The following PARP4 variants were observed in gnomAD, a reference collection of about 807,000 sequenced individuals.
PARP4 encodes the protein protein mono-ADP-ribosyltransferase PARP4.
A neutral mutation model predicts 187.7 loss-of-function variants in PARP4; 120 were observed. The observed-to-expected ratio is 0.64, with a 90% confidence interval of 0.55 to 0.74. The LOEUF is 0.74. PARP4 is among the 30% of genes least tolerant of loss of function. The pLI is 0.00. For synonymous variants in PARP4, 654 were observed against 740.9 expected, an observed-to-expected ratio of 0.88 and a Z score of 1.90; for missense variants, 1,836 against 2,070.5, an observed-to-expected ratio of 0.89 and a Z score of 2.20.
rs771684611 is a variant in PARP4, at chr13:24,446,747, T to C, written c.3300A>G (p.Ala1100=). The change falls in exon 27 of 34, where the codon GCA becomes GCG. Residue 1100 remains alanine (A), a synonymous_variant. Transcript: ENST00000381989. ...TACGAAATTCTTTCTCTTGAATTAG[T>C]GCACACAGAGTTGCCTGAAATGGGG... ...IPHCTQATLC[A]LIQEKEFRTM... 1 of 1,594,296 alleles carries C rather than the reference T, an allele frequency of 6.3e-7. No homozygotes were observed. Among genetic ancestry groups the C allele is most frequent in the South Asian group, 1.1e-5 (1 of 90,644 alleles).
In PARP4 at chr13:24,452,456, C is replaced by G. The variant is rs757592916; in HGVS notation, c.2964G>C (p.Gln988His). ...GHLQDESLTL[Q>H]LVKRSRPHTR... ...TGTGCGGGCGGCTCCTCTTCACGAG[C>G]TGTAATGTCAGGCTCTCATCCTGGA... The change falls in exon 24 of 34, where the codon CAG becomes CAC. Residue 988 changes from glutamine (Q) to histidine (H), a missense_variant. Around this residue, in one of 8 missense-constraint regions of PARP4, gnomAD observed 1,147 missense variants for 1,214.2 expected, o/e 0.94. Coordinates refer to ENST00000381989, the MANE Select transcript of PARP4 (RefSeq NM_006437.4). The G allele has an allele frequency of 4.9e-5, 79 of 1,613,964 alleles. No homozygotes were observed. The highest frequency in any genetic ancestry group is 1.6e-4 in the Middle Eastern group (1 of 6,064).
chr13:24,462,714 T>C (rs1242884899), intron 17 of PARP4, among the ~76,000 whole-genome samples: 1 of 152,202 alleles, frequency 6.6e-6, no homozygotes, highest in African/African-American at 2.4e-5. Flanking sequence ...CTGAATTATA[T>C]TTTAAGTGTC....
At chr13:24,489,541 A>G (rs111730129) in intron 10 of PARP4, among the ~76,000 whole-genome samples, 16,576 of 152,236 alleles carry the variant, frequency 0.11, 982 homozygotes, top group African/African-American at 0.12. Context: ...CCTGGGAGGC[A>G]GAGCTTGCAG....
rs73458979 is a variant in PARP4, at chr13:24,442,569, C to T, written c.3543+21G>A. On this transcript the variant is annotated intron_variant, in intron 29 of 33. Coordinates refer to ENST00000381989, the MANE Select transcript of PARP4 (RefSeq NM_006437.4). ...AAATACAAATAAAATAATTTAACCT[C>T]GAATTACCAATAATACATACCCTTT... The T allele has an allele frequency of 4.0e-3, 4,516 of 1,119,158 alleles. 59 individuals are homozygous for T. In the African/African-American group the frequency reaches 0.059, roughly 15 times the overall value. 69.3% of individuals were successfully genotyped at this position (1,119,158 alleles called of 1,614,324 possible).
At position 24,453,743 on chromosome 13, in the gene PARP4, G is replaced by T. The variant is rs1030539672; in HGVS notation, c.2759-89C>A. 5.2e-6 allele frequency: 4 copies of T among 768,788 alleles called. No homozygotes were observed. In the Admixed American group the frequency reaches 5.8e-5, roughly 11 times the overall value. 47.6% of individuals were successfully genotyped at this position (768,788 alleles called of 1,614,324 possible). ...CAATAATGTTATTTCATACCATCACGGCTGTTGTAAAGGATATTATATATT... is the reference window on the plus strand; with the variant it reads ...CAATAATGTTATTTCATACCATCACTGCTGTTGTAAAGGATATTATATATT... On this transcript the variant is annotated intron_variant, in intron 22 of 33. Coordinates refer to ENST00000381989, the MANE Select transcript of PARP4 (RefSeq NM_006437.4).
intron 1 of PARP4, among the ~76,000 whole-genome samples, chr13:24,504,752 A>G (rs1869517905): frequency 6.6e-6 from 1 of 151,272 alleles, no homozygotes; most frequent in Non-Finnish European, 1.5e-5. Flanking sequence ...GGAGTGCACT[A>G]TTGCAATTTT....
intron 20 of PARP4, among the ~76,000 whole-genome samples, chr13:24,457,790 A>G (rs1462068462): frequency 6.5e-5 from 9 of 138,958 alleles, no homozygotes; most frequent in East Asian, 2.0e-4. Context: ...AAAAAAAAAA[A>G]AAAAAAGAAA....
chr13:24,491,634 A>C (rs1868657584), intron 9 of PARP4, among the ~76,000 whole-genome samples: 2 of 152,214 alleles, frequency 1.3e-5, no homozygotes, highest in African/African-American at 4.8e-5. Context: ...AAATCCCTGC[A>C]TGCACAGATG....
At chr13:24,497,436 G>C (rs1869017995) in intron 6 of PARP4, among the ~76,000 whole-genome samples, 1 of 152,148 alleles carries the variant, frequency 6.6e-6, no homozygotes, top group South Asian at 2.1e-4. Flanking sequence ...TATATCAGTG[G>C]AATGCTTTCA....
intron 33 of PARP4, among the ~76,000 whole-genome samples, chr13:24,423,670 A>G (rs1406518866): frequency 1.3e-5 from 2 of 152,136 alleles, no homozygotes; most frequent in Non-Finnish European, 2.9e-5. Context: ...AATTACATAT[A>G]GTAAATTATG....
At chr13:24,468,203 A>G (rs1444205786) in intron 17 of PARP4, among the ~76,000 whole-genome samples, 2 of 152,116 alleles carry the variant, frequency 1.3e-5, no homozygotes, top group Non-Finnish European at 2.9e-5. Context: ...AACACCTGGT[A>G]TTTAAGGAAA....
chr13:24,459,092 C>A lies in PARP4; in HGVS notation c.2376G>T (p.Pro792=). The A allele has an allele frequency of 6.2e-7, 1 of 1,610,192 alleles. No individual in the cohort carries two copies. Among genetic ancestry groups the A allele is most frequent in the South Asian group, 1.1e-5 (1 of 90,786 alleles). The change falls in exon 20 of 34, where the codon CCG becomes CCT. Residue 792 remains proline, a synonymous_variant. Transcript: ENST00000381989. The part of the protein sequence containing the change: ...SFSLTMSIEM[P]YVIEFIFSDT... ...CACTGAAAATGAATTCAATCACATA[C>A]GGCATCTCAATAGACATAGTCAAAG...
At chr13:24,424,616 T>C (rs1869920677) in intron 33 of PARP4, among the ~76,000 whole-genome samples, 1 of 152,112 alleles carries the variant, frequency 6.6e-6, no homozygotes, top group East Asian at 1.9e-4. Context: ...GATTTCTTTG[T>C]AATATTTTTT....
chr13:24,443,955 G>A (rs1871082191), intron 27 of PARP4, among the ~76,000 whole-genome samples: 1 of 152,194 alleles, frequency 6.6e-6, no homozygotes, highest in African/African-American at 2.4e-5. Flanking sequence ...GTGTGCCCGT[G>A]TAGCTTCCTC....
chr13:24,456,572 G>GTA (rs1439949003), intron 20 of PARP4, 94 bp from the exon 21 acceptor site: 5 of 1,118,012 alleles, frequency 4.5e-6, no homozygotes, highest in Non-Finnish European at 6.2e-6. Context: ...CCCTTGCATA[G>GTA]CTTACATAAC....
intron 17 of PARP4, among the ~76,000 whole-genome samples, chr13:24,460,799 T>C (rs1438596359): frequency 6.6e-6 from 1 of 152,268 alleles, no homozygotes; most frequent in Non-Finnish European, 1.5e-5. Context: ...AGCCATCCTC[T>C]TAAGTAGATG....
chr13:24,507,458 C>T (rs951923357), intron 1 of PARP4, among the ~76,000 whole-genome samples: 2 of 152,180 alleles, frequency 1.3e-5, no homozygotes, highest in African/African-American at 2.4e-5. Context: ...AGAGGTGCGA[C>T]GTCCCCAGCC....
At position 24,452,356 on chromosome 13, in the gene PARP4, G is replaced by A. The variant is rs201542169; in HGVS notation, c.3014+50C>T. 11 of 1,469,342 alleles carry A rather than the reference G, an allele frequency of 7.5e-6. No homozygotes were observed. In the East Asian group the frequency reaches 2.3e-4, roughly 31 times the overall value. The allele number at this position is 1,469,342 out of a possible 1,614,324, so 91.0% of individuals were successfully genotyped here. ...GCCAAAGTCCCCTGCAGGGCAACAA[G>A]ACGACCTCCCCGTGGGTCTGGACTA... On this transcript the variant is annotated intron_variant, in intron 24 of 33. Transcript: ENST00000381989.
Position 24,452,407 on chromosome 13 carries a change from C to T in PARP4, c.3013G>A (p.Gly1005Ser), listed in dbSNP as rs139789669. 18 of 1,610,280 alleles carry T rather than the reference C, an allele frequency of 1.1e-5. No homozygotes were observed. Among genetic ancestry groups the T allele is most frequent in the African/African-American group, 8.0e-5 (6 of 74,860 alleles). The change falls in exon 24 of 34, where the codon GGT (glycine) becomes AGT (serine). Residue 1005 changes from glycine to serine, a missense_variant and splice_region_variant. Physicochemically the swap from Gly to Ser is moderately conservative, Grantham distance 56 (BLOSUM62 0). Transcript: ENST00000381989. ...TGTGACCAGCTCTCTGAGACTCACC[C>T]GATACCGCAGGCGAATAACCTGGTG... ...PHTRLFACGI[G>S]STANRHVLRI...
Sources: gnomAD v4.1 joint callset for allele counts (sites outside exome capture counted in the v4.1 genomes callset) on GRCh38, gnomAD v4.1.1 for gene constraint, gnomAD v4.1.1 regional missense constraint, MANE v1.5 for transcripts, NCBI Gene and HGNC (gene_info 2026-07-23, HGNC 2026-07-21) for gene names.